ZFP14: variants seen among roughly 807,000 people sequenced by gnomAD.
The protein encoded by ZFP14 is zinc finger protein 14 homolog.
In ZFP14, 22 loss-of-function variants were observed where a neutral mutation model predicts 54.5. The ratio of observed to expected loss-of-function variants is 0.40; its 90% CI spans 0.29 to 0.58. The LOEUF (loss-of-function observed/expected upper bound fraction) is 0.58, where lower values mean the gene tolerates loss of function less well. Among genes scored for constraint, ZFP14 ranks in the 20% least tolerant of loss-of-function variants. The pLI is 0.39. For missense variants in ZFP14, 470 were observed against 637.8 expected, an observed-to-expected ratio of 0.74 and a Z score of 2.83; for synonymous variants, 159 against 204.0, an observed-to-expected ratio of 0.78 and a Z score of 1.88.
At chr19:36,363,189 C>CTTTTTTTTT (rs772799449) in intron 2 of ZFP14, among the ~76,000 whole-genome samples, 20 of 97,752 alleles carry the variant, frequency 2.0e-4, no homozygotes, top group South Asian at 6.8e-4. Flanking sequence ...CTTTTCTTTT[C>CTTTTTTTTT]TTTTTTTTTT....
intron 3 of ZFP14, 128 bp from the exon 4 acceptor site, chr19:36,360,661 G>T: frequency 2.6e-6 from 2 of 756,490 alleles, no homozygotes; most frequent in Non-Finnish European, 2.0e-6. Flanking sequence ...AGAATTGCAA[G>T]GGAGTTGAAG....
intron 1 of ZFP14, among the ~76,000 whole-genome samples, chr19:36,369,395 C>CT (rs375431589): frequency 3.6e-4 from 55 of 151,938 alleles, no homozygotes; most frequent in African/African-American, 1.3e-3. Context: ...TTTCTTTTTT[C>CT]TTTTTTTGGT....
intron 2 of ZFP14, among the ~76,000 whole-genome samples, chr19:36,366,409 C>G (rs1447190197): frequency 2.6e-5 from 4 of 152,154 alleles, no homozygotes; most frequent in Non-Finnish European, 4.4e-5. Flanking sequence ...ACCTCCACCT[C>G]CCGAGCTCTA....
chr19:36,365,792 C>CT (rs1237413622), intron 2 of ZFP14, among the ~76,000 whole-genome samples: 3 of 151,928 alleles, frequency 2.0e-5, no homozygotes, highest in Non-Finnish European at 4.4e-5. Flanking sequence ...GACCCCATCT[C>CT]TACAAAAAAT....
At chr19:36,359,599 GT>G (rs34904660) in intron 4 of ZFP14, among the ~76,000 whole-genome samples, 103,206 of 151,898 alleles carry the variant, frequency 0.68, 35,332 homozygotes, top group African/African-American at 0.76. Flanking sequence ...TTTCATTTAA[GT>G]TATCAAATTT....
intron 2 of ZFP14, among the ~76,000 whole-genome samples, chr19:36,367,494 T>C (rs570206565): frequency 6.6e-6 from 1 of 152,256 alleles, no homozygotes; most frequent in East Asian, 1.9e-4. Flanking sequence ...GGTTCTTTTT[T>C]TTTTGAGATG....
chr19:36,343,386 C>T (rs547597312), intron 4 of ZFP14, among the ~76,000 whole-genome samples: 25 of 151,424 alleles, frequency 1.7e-4, no homozygotes, highest in African/African-American at 4.7e-4. Flanking sequence ...CCTCTTTCAA[C>T]GCACAAAATG....
At chr19:36,343,805 T>C (rs940606473) in intron 4 of ZFP14, among the ~76,000 whole-genome samples, 33 of 152,238 alleles carry the variant, frequency 2.2e-4, no homozygotes, top group African/African-American at 7.5e-4. Flanking sequence ...TAATGGGGGC[T>C]GAGTGTGCTA....
intron 4 of ZFP14, among the ~76,000 whole-genome samples, chr19:36,349,678 A>T (rs560862524): frequency 0.011 from 1,607 of 145,644 alleles, 29 homozygotes; most frequent in East Asian, 0.089. Context: ...AAACAAAAAA[A>T]AAATATATAT....
At chr19:36,353,526 C>T (rs2031563211) in intron 4 of ZFP14, among the ~76,000 whole-genome samples, 1 of 140,236 alleles carries the variant, frequency 7.1e-6, no homozygotes, top group South Asian at 2.3e-4. Context: ...CACTGAAACC[C>T]CATGTCTACT....
chr19:36,349,257 C>CAAA (rs1171155676), intron 4 of ZFP14, among the ~76,000 whole-genome samples: 1 of 42,224 alleles, frequency 2.4e-5, no homozygotes, highest in Non-Finnish European at 4.1e-5. Context: ...AAAAAAAAAA[C>CAAA]AAAAAAAAAA....
Position 36,339,974 on chromosome 19 carries a change from G to A in ZFP14, c.*250C>T. 2.8e-6 allele frequency: 1 copy of A among 353,732 alleles called. No homozygotes were observed. 21.9% of individuals were successfully genotyped at this position (353,732 alleles called of 1,614,324 possible). ...GTATCTTGTCCAATAAATCAAACTG[G>A]TAATCAAGTGGAGAAAGGGAGATAA... On this transcript the variant is annotated 3_prime_UTR_variant, in exon 5 of 5. Coordinates refer to ENST00000270001, the MANE Select transcript of ZFP14 (RefSeq NM_020917.3).
intron 2 of ZFP14, among the ~76,000 whole-genome samples, 200 bp downstream of exon 2, chr19:36,367,684 G>A (rs1025264665): frequency 1.2e-4 from 18 of 152,172 alleles, no homozygotes; most frequent in African/African-American, 3.6e-4. Flanking sequence ...GGCTGGTCTC[G>A]AACTCCTGAC....
chr19:36,353,642 G>A (rs2031565599), intron 4 of ZFP14, among the ~76,000 whole-genome samples: 1 of 129,772 alleles, frequency 7.7e-6, no homozygotes, highest in African/African-American at 2.9e-5. Context: ...AGGTTGCAGT[G>A]AGCCGAGATT....
At position 36,335,684 on chromosome 19, in the gene ZFP14, A is replaced by G. The variant is rs1408363801; in HGVS notation, c.*4540T>C. Reference sequence around the variant, plus strand: ...AATGCAATCCTACATTTTTACTTGTACTGGAATGAATATACACGTTTGTGC... The same window carrying G: ...AATGCAATCCTACATTTTTACTTGTGCTGGAATGAATATACACGTTTGTGC... On this transcript the variant is annotated 3_prime_UTR_variant, in exon 5 of 5. Coordinates refer to ENST00000270001, the MANE Select transcript of ZFP14 (RefSeq NM_020917.3). 1 of 152,082 alleles carries G rather than the reference A, an allele frequency of 6.6e-6. No homozygotes were observed. The highest frequency in any genetic ancestry group is 1.5e-5 in the Non-Finnish European group (1 of 68,030). 9.4% of individuals were successfully genotyped at this position (152,082 alleles called of 1,614,324 possible).
intron 1 of ZFP14, among the ~76,000 whole-genome samples, chr19:36,370,477 GCCA>G (rs1188050758): frequency 1.3e-5 from 2 of 152,242 alleles, no homozygotes; most frequent in African/African-American, 2.4e-5. Context: ...TCTCCAGGCT[GCCA>G]CCACCATCAG....
At chr19:36,362,284 C>A in intron 2 of ZFP14, 46 bp from the exon 3 acceptor site, 1 of 1,559,400 alleles carries the variant, frequency 6.4e-7, no homozygotes, top group Non-Finnish European at 8.6e-7. Flanking sequence ...AAATTAAATA[C>A]TTTTAAAATG....
chr19:36,365,483 G>A (rs1353842815), intron 2 of ZFP14, among the ~76,000 whole-genome samples: 4 of 152,108 alleles, frequency 2.6e-5, no homozygotes, highest in African/African-American at 4.8e-5. Context: ...TAGCGGGAAC[G>A]GCTGACACTC....
At chr19:36,367,014 T>C (rs6510541) in intron 2 of ZFP14, among the ~76,000 whole-genome samples, 103,048 of 151,578 alleles carry the variant, frequency 0.68, 35,293 homozygotes, top group African/African-American at 0.76. Flanking sequence ...ATTAGCCAGG[T>C]ATGGTGGCGG....
Sources: allele counts gnomAD v4.1 joint callset (sites outside exome capture counted in the v4.1 genomes callset), GRCh38; gene constraint gnomAD v4.1.1; transcripts MANE v1.5; gene names NCBI Gene and HGNC (gene_info 2026-07-23, HGNC 2026-07-21).